NISCH: variants seen among roughly 807,000 people sequenced by gnomAD.
The protein encoded by NISCH is I-1 receptor candidate protein.
In NISCH, 55 loss-of-function variants were observed where a neutral mutation model predicts 138.4. That is an observed-to-expected ratio of 0.40 (90% CI 0.32 to 0.50). The LOEUF (loss-of-function observed/expected upper bound fraction) is 0.50. NISCH is among the 20% of genes least tolerant of loss of function. NISCH has a pLI of 0.71. For missense variants in NISCH, 1,643 were observed against 2,005.5 expected (o/e 0.82, Z 3.45); for synonymous variants, 860 against 861.5 (o/e 1.00, Z 0.03).
rs770440989 is a variant in NISCH, at chr3:52,492,341, G to A, written c.4374G>A (p.Pro1458=). The A allele has an allele frequency of 1.3e-5, 21 of 1,613,282 alleles. No individual in the cohort carries two copies. The Admixed American group carries it at 1.5e-4, about 12-fold the overall frequency. Residue 1458 remains proline, a synonymous_variant, in exon 21 of 21, where the codon CCG becomes CCA. Coordinates refer to ENST00000345716, the MANE Select transcript of NISCH (RefSeq NM_007184.4). The part of the protein sequence containing the change: ...LDHFGEVPGG[P]ARASQGREVQ... Reference sequence around the variant, plus strand: ...ACTTTGGGGAGGTGCCAGGTGGCCCGGCTAGAGCCAGCCAGGGCCGTGAAG... The same window carrying A: ...ACTTTGGGGAGGTGCCAGGTGGCCCAGCTAGAGCCAGCCAGGGCCGTGAAG...
At chr3:52,466,645 T>A (rs1463486294) in intron 3 of NISCH, among the ~76,000 whole-genome samples, 1 of 151,650 alleles carries the variant, frequency 6.6e-6, no homozygotes, top group Admixed American at 6.6e-5. Flanking sequence ...ATGGCCTCAG[T>A]GACATGTAAT....
At chr3:52,457,454 C>G (rs1156241185) in intron 1 of NISCH, among the ~76,000 whole-genome samples, 1 of 152,224 alleles carries the variant, frequency 6.6e-6, no homozygotes, top group Non-Finnish European at 1.5e-5. Context: ...TGCTCTGCCT[C>G]CCTTGGAAGA....
In NISCH at chr3:52,478,441, C is replaced by T. The variant is rs1025313627; in HGVS notation, c.1174-8C>T. The T allele has an allele frequency of 6.2e-7, 1 of 1,614,168 alleles. No homozygotes were observed. The highest frequency in any genetic ancestry group is 8.5e-7 in the Non-Finnish European group (1 of 1,180,028). ...GGGACCAAAGGGGATGGAACTCATA[C>T]CTTGCAGATGGAGGAGGTCCGGAGC... is the stretch of plus-strand genomic sequence containing the variant. On this transcript the variant is annotated splice_region_variant and splice_polypyrimidine_tract_variant and intron_variant, in intron 10 of 20. Coordinates refer to ENST00000345716, the MANE Select transcript of NISCH (RefSeq NM_007184.4).
At chr3:52,472,824 C>T (rs1346562835) in intron 6 of NISCH, among the ~76,000 whole-genome samples, 1 of 152,260 alleles carries the variant, frequency 6.6e-6, no homozygotes, top group Non-Finnish European at 1.5e-5. Flanking sequence ...ACAAGAAACA[C>T]TCTGCATCTG....
rs935594227 is a variant in NISCH at position 52,458,020 on chromosome 3, G to A, written c.177+94G>A. On this transcript the variant is annotated intron_variant, in intron 2 of 20. Transcript: ENST00000345716. ...CACATATTAGTTTTAGGGCAAAACAGGTTCCATCTCTATAGTTCTTTAATA... is the reference window on the plus strand; with the variant it reads ...CACATATTAGTTTTAGGGCAAAACAAGTTCCATCTCTATAGTTCTTTAATA... 9.0e-6 allele frequency: 8 copies of A among 889,710 alleles called. No homozygotes were observed. The African/African-American group carries it at 1.3e-4, about 15-fold the overall frequency. 55.1% of individuals were successfully genotyped at this position (889,710 alleles called of 1,614,324 possible). A position where few individuals can be genotyped will look rare whatever the true frequency, so the allele number is the denominator to read the frequency against.
intron 7 of NISCH, among the ~76,000 whole-genome samples, chr3:52,475,159 C>A (rs770803045): frequency 2.0e-5 from 3 of 149,894 alleles, no homozygotes; most frequent in African/African-American, 4.9e-5. Context: ...GAGTTGGAGA[C>A]CAACCTGGGC....
intron 6 of NISCH, 66 bp downstream of exon 6, chr3:52,472,464 T>A (rs1485575330): frequency 2.1e-6 from 3 of 1,404,846 alleles, no homozygotes; most frequent in African/African-American, 2.8e-5. Flanking sequence ...GTTTGTGATG[T>A]TGGGTGTCCT....
At chr3:52,466,271 G>A (rs142603709) in intron 3 of NISCH, among the ~76,000 whole-genome samples, 1 of 152,094 alleles carries the variant, frequency 6.6e-6, no homozygotes, top group African/African-American at 2.4e-5. Context: ...ATAAATTAAA[G>A]TGAGACGAGG....
Position 52,488,106 on chromosome 3 carries a change from G to A in NISCH, c.2614G>A (p.Ala872Thr), listed in dbSNP as rs781731998. The change falls in exon 16 of 21, where the codon GCC becomes ACC. Residue 872 changes from alanine to threonine, a missense_variant. Transcript: ENST00000345716. ...TGACAAGCGCATGGTGCAGACGGCC[G>A]CCGGGGACTACTCAGGCAACATCGA... ...YSDKRMVQTA[A>T]GDYSGNIEWA... 5.0e-5 allele frequency: 81 copies of A among 1,612,800 alleles called. No homozygotes were observed. The highest frequency in any genetic ancestry group is 6.1e-5 in the Non-Finnish European group (72 of 1,179,982).
intron 16 of NISCH, among the ~76,000 whole-genome samples, 163 bp from the exon 17 acceptor site, chr3:52,489,173 C>G (rs929676326): frequency 1.3e-5 from 2 of 152,214 alleles, no homozygotes; most frequent in Non-Finnish European, 2.9e-5. Context: ...AGCCACCGTG[C>G]CCGGCCGTGC....
At chr3:52,482,709 C>T (rs902017480) in intron 13 of NISCH, among the ~76,000 whole-genome samples, 7 of 152,214 alleles carry the variant, frequency 4.6e-5, no homozygotes, top group African/African-American at 1.4e-4. Context: ...AACCCGTGGA[C>T]ACCTTCCGCT....
chr3:52,487,977 A>G lies in NISCH; in HGVS notation c.2485A>G (p.Thr829Ala), dbSNP rs1409596944. 2.5e-6 allele frequency: 4 copies of G among 1,611,370 alleles called. No homozygotes were observed. The highest frequency in any genetic ancestry group is 1.7e-6 in the Non-Finnish European group (2 of 1,179,798). ...TAGCCCCATCCTCTACGGCAGCCAC[A>G]CCAGCCTGCAGGAGTTCCTGCGCCA... The part of the protein sequence containing the change: ...LCSPILYGSH[T>A]SLQEFLRQLL... Residue 829 changes from threonine (T) to alanine (A), a missense_variant, in exon 16 of 21, where the codon ACC becomes GCC. Thr to Ala is a moderately conservative substitution (Grantham distance 58). Transcript: ENST00000345716. This position sits in a 1 kb window ranked among gnomAD's most constrained non-coding sequence, Gnocchi z 9.1.
At chr3:52,490,004 G>T in intron 17 of NISCH, 71 bp from the exon 18 acceptor site, 1 of 1,581,488 alleles carries the variant, frequency 6.3e-7, no homozygotes, top group Non-Finnish European at 8.6e-7. Context: ...CCTTGTGGAA[G>T]CTGTGGGCAT....
intron 17 of NISCH, 128 bp from the exon 18 acceptor site, chr3:52,489,947 T>TG: frequency 1.5e-6 from 2 of 1,349,784 alleles, no homozygotes; most frequent in Non-Finnish European, 1.0e-6. Context: ...CTCTCTGCCT[T>TG]GAAGCATACG....
chr3:52,486,140 C>T (rs1218573575), intron 15 of NISCH, among the ~76,000 whole-genome samples: 4 of 152,110 alleles, frequency 2.6e-5, no homozygotes, highest in Non-Finnish European at 5.9e-5. Context: ...GACTGAGTCT[C>T]GCTCTGTCGC....
At chr3:52,463,302 C>T (rs1263744484) in intron 3 of NISCH, among the ~76,000 whole-genome samples, 3 of 152,088 alleles carry the variant, frequency 2.0e-5, no homozygotes, top group Non-Finnish European at 2.9e-5. Flanking sequence ...CCTTTTATGA[C>T]GGAGTAATAG....
chr3:52,470,678 A>G, intron 3 of NISCH, 181 bp from the exon 4 acceptor site: 1 of 635,738 alleles, frequency 1.6e-6, no homozygotes, highest in Non-Finnish European at 2.8e-6. Context: ...CCACATAACT[A>G]GAATACTTAG....
rs1298189895 is a variant in NISCH at position 52,491,519 on chromosome 3, C to G, written c.3904+6C>G. 6.2e-7 allele frequency: 1 copy of G among 1,609,200 alleles called. No homozygotes were observed. The highest frequency in any genetic ancestry group is 1.7e-5 in the Admixed American group (1 of 59,646). On this transcript the variant is annotated splice_donor_region_variant and intron_variant, in intron 20 of 20. Coordinates refer to ENST00000345716, the MANE Select transcript of NISCH (RefSeq NM_007184.4). ...GTTTGGGAACAAGACCACAGGTACC[C>G]CTGTCTAGCTCAGGCTGCAGACAGG...
At chr3:52,482,015 C>G in intron 13 of NISCH, 1 of 711,924 alleles carries the variant, frequency 1.4e-6, no homozygotes, top group Non-Finnish European at 1.7e-6. Context: ...TTTCTGACCA[C>G]TTGTTTGTAC....
Sources: allele counts gnomAD v4.1 joint callset (sites outside exome capture counted in the v4.1 genomes callset), GRCh38; gene constraint gnomAD v4.1.1; non-coding constraint Gnocchi (gnomAD v3.1); transcripts MANE v1.5; gene names NCBI Gene and HGNC (gene_info 2026-07-23, HGNC 2026-07-21).